Variants in GALNT14 observed in about 807,000 individuals in gnomAD.
The protein encoded by GALNT14 is polypeptide N-acetylgalactosaminyltransferase 14.
GALNT14 carries 60 observed loss-of-function variants against 77.5 expected under a neutral mutation model. The ratio of observed to expected loss-of-function variants is 0.77; its 90% CI spans 0.63 to 0.96. The LOEUF is 0.96. Among genes scored for constraint, GALNT14 ranks in the 40% least tolerant of loss-of-function variants. The pLI, the probability that GALNT14 is intolerant of heterozygous loss-of-function variation, is 0.00. For missense variants in GALNT14, 710 were observed against 731.0 expected (o/e 0.97, Z 0.33); for synonymous variants, 280 against 281.7 (o/e 0.99, Z 0.06).
At chr2:31,120,527 A>G (rs1678354757) in intron 1 of GALNT14, among the ~76,000 whole-genome samples, 1 of 152,166 alleles carries the variant, frequency 6.6e-6, no homozygotes, top group South Asian at 2.1e-4. Flanking sequence ...CAACGTATAT[A>G]TCTTGTTTTA....
intron 1 of GALNT14, among the ~76,000 whole-genome samples, chr2:31,087,056 G>T (rs189463201): frequency 1.8e-4 from 28 of 152,268 alleles, no homozygotes; most frequent in African/African-American, 6.5e-4. Context: ...ATGGTAGAAG[G>T]CTTCTCTGGG....
rs75564020 is a variant in GALNT14, at chr2:31,060,689, T to G, written c.130-67682A>C. ...CAGCCATGGTGCAGCTGGGGTGATGTGTTTAAATTAAACAGCTCTATCAGT... is the reference window on the plus strand; with the variant it reads ...CAGCCATGGTGCAGCTGGGGTGATGGGTTTAAATTAAACAGCTCTATCAGT... On this transcript the variant is annotated intron_variant, in intron 1 of 14. Coordinates refer to ENST00000349752, the MANE Select transcript of GALNT14 (RefSeq NM_024572.4). 2.1e-4 allele frequency among the ~76,000 whole-genome samples: 32 copies of G among 152,308 alleles called. No individual in the cohort carries two copies. In the East Asian group the frequency reaches 5.8e-3, roughly 28 times the overall value.
chr2:31,111,684 C>T (rs1368193678), intron 1 of GALNT14, among the ~76,000 whole-genome samples: 1 of 152,168 alleles, frequency 6.6e-6, no homozygotes, highest in Non-Finnish European at 1.5e-5. Flanking sequence ...CCCTTTTCAG[C>T]CTTTTAAAGC....
Position 30,912,328 on chromosome 2 carries a change from T to C in GALNT14, c.1395A>G (p.Thr465=), listed in dbSNP as rs766172704. The C allele has an allele frequency of 9.9e-6, 16 of 1,613,986 alleles. No individual in the cohort carries two copies. The highest frequency in any genetic ancestry group is 1.3e-5 in the Non-Finnish European group (15 of 1,179,976). The part of the protein sequence containing the change: ...EDAKSQVWAF[T]YTQQILQEEL... ...CCTCCTGGAGGATCTGCTGGGTGTATGTGAAGGCCCATACCTGGGGAGAAA... is the reference window on the plus strand; with the variant it reads ...CCTCCTGGAGGATCTGCTGGGTGTACGTGAAGGCCCATACCTGGGGAGAAA... Residue 465 remains threonine, a synonymous_variant, in exon 14 of 15, where the codon ACA becomes ACG. Coordinates refer to ENST00000349752, the MANE Select transcript of GALNT14 (RefSeq NM_024572.4).
At chr2:30,940,243 T>A (rs1359438627) in intron 9 of GALNT14, among the ~76,000 whole-genome samples, 1 of 152,178 alleles carries the variant, frequency 6.6e-6, no homozygotes, top group Non-Finnish European at 1.5e-5. Flanking sequence ...GCCAGCTAGA[T>A]GAGATTGCTA....
In GALNT14 at chr2:30,910,664, C is replaced by T. The variant is rs1664301964; in HGVS notation, c.*237G>A. On this transcript the variant is annotated 3_prime_UTR_variant, in exon 15 of 15. Transcript: ENST00000349752. ...CAGATACCAATCAGGGAATGACTGG[C>T]CAGGACTGGAACTTAACGGCCTTGA... The T allele has an allele frequency of 8.5e-6, 4 of 471,762 alleles. No homozygotes were observed. The highest frequency in any genetic ancestry group is 6.6e-5 in the South Asian group (2 of 30,232). The allele number at this position is 471,762 out of a possible 1,614,324, so 29.2% of individuals were successfully genotyped here.
the GALNT14 span, among the ~76,000 whole-genome samples, chr2:30,889,477 T>C: frequency 6.6e-6 from 1 of 152,164 alleles, no homozygotes; most frequent in Non-Finnish European, 1.5e-5. Context: ...ACCCTAGCCC[T>C]CTACTTCTCT....
intron 1 of GALNT14, among the ~76,000 whole-genome samples, chr2:31,050,928 T>A (rs1387492650): frequency 6.6e-6 from 1 of 152,086 alleles, no homozygotes. Flanking sequence ...GGCCAAATTA[T>A]AACTAAAGTG....
At chr2:30,992,752 G>T in intron 2 of GALNT14, 86 bp downstream of exon 2, 2 of 1,449,742 alleles carry the variant, frequency 1.4e-6, no homozygotes, top group Non-Finnish European at 1.9e-6. Flanking sequence ...CTTAGCACTG[G>T]TGCTGCATAC....
At chr2:30,941,013 T>G (rs1399983474) in intron 9 of GALNT14, among the ~76,000 whole-genome samples, 1 of 152,144 alleles carries the variant, frequency 6.6e-6, no homozygotes, top group Non-Finnish European at 1.5e-5. Context: ...AGGAAATAAC[T>G]CTTAGTGACT....
At chr2:30,947,173 A>C (rs987127645) in intron 6 of GALNT14, among the ~76,000 whole-genome samples, 2 of 152,088 alleles carry the variant, frequency 1.3e-5, no homozygotes, top group Admixed American at 1.3e-4. Flanking sequence ...ACCCCACTCT[A>C]TCTCCTGCTC....
At chr2:30,989,653 TTA>T (rs565485699) in intron 2 of GALNT14, among the ~76,000 whole-genome samples, 1 of 131,862 alleles carries the variant, frequency 7.6e-6, no homozygotes, top group East Asian at 2.1e-4. Context: ...TTAGTATATA[TTA>T]AAATATATAT....
chr2:31,085,477 C>T (rs1319103241), intron 1 of GALNT14, among the ~76,000 whole-genome samples: 1 of 152,240 alleles, frequency 6.6e-6, no homozygotes, highest in East Asian at 1.9e-4. Flanking sequence ...GGCACAGGGC[C>T]ACAGGGCAGG....
At chr2:30,936,203 T>C (rs529942731) in intron 9 of GALNT14, among the ~76,000 whole-genome samples, 38 of 152,066 alleles carry the variant, frequency 2.5e-4, no homozygotes, top group African/African-American at 9.2e-4. Flanking sequence ...CTTCTGTCTC[T>C]CCATCAGCTG....
chr2:31,062,631 C>T lies in GALNT14; in HGVS notation c.130-69624G>A, dbSNP rs190276720. Among the ~76,000 whole-genome samples, 791 of 152,276 alleles carry T rather than the reference C, an allele frequency of 5.2e-3. 8 individuals carry two copies. Among genetic ancestry groups the T allele is most frequent in the African/African-American group, 0.018 (748 of 41,546 alleles). ...TTCTATTTCTAGATCCTTGAGGAAT[C>T]GTCACACTGTCTTCCACAATGGTTG... On this transcript the variant is annotated intron_variant, in intron 1 of 14. Coordinates refer to ENST00000349752, the MANE Select transcript of GALNT14 (RefSeq NM_024572.4).
At chr2:30,927,074 G>A (rs1665431319) in intron 11 of GALNT14, among the ~76,000 whole-genome samples, 1 of 152,146 alleles carries the variant, frequency 6.6e-6, no homozygotes, top group Non-Finnish European at 1.5e-5. Flanking sequence ...GCAGAGGAGA[G>A]ACCGGGGATC....
Position 31,087,018 on chromosome 2 carries a change from C to T in GALNT14, c.129+50940G>A, listed in dbSNP as rs1676462296. Reference sequence around the variant, plus strand: ...AAGACCAAACTAAAAAATGAGGCAGCATGGGGGAATGTGGCCTTTTAGATA... The same window carrying T: ...AAGACCAAACTAAAAAATGAGGCAGTATGGGGGAATGTGGCCTTTTAGATA... On this transcript the variant is annotated intron_variant, in intron 1 of 14. Coordinates refer to ENST00000349752, the MANE Select transcript of GALNT14 (RefSeq NM_024572.4). Among the ~76,000 whole-genome samples, 3 of 152,162 alleles carry T rather than the reference C, an allele frequency of 2.0e-5. No homozygotes were observed. The South Asian group carries it at 6.2e-4, about 32-fold the overall frequency.
chr2:30,924,361 G>A, intron 12 of GALNT14, 98 bp from the exon 13 acceptor site: 4 of 1,317,310 alleles, frequency 3.0e-6, no homozygotes, highest in Non-Finnish European at 4.3e-6. Flanking sequence ...GAATGGCAGG[G>A]CTGGGCTGTT....
chr2:30,958,309 A>G, intron 4 of GALNT14, 88 bp downstream of exon 4: 1 of 1,170,538 alleles, frequency 8.5e-7, no homozygotes, highest in Non-Finnish European at 1.3e-6. Context: ...CCCCATTCCC[A>G]GAAAACCAGT....
Sources: allele counts gnomAD v4.1 joint callset (sites outside exome capture counted in the v4.1 genomes callset), GRCh38; gene constraint gnomAD v4.1.1; transcripts MANE v1.5; gene names NCBI Gene and HGNC (gene_info 2026-07-23, HGNC 2026-07-21).